FAM168A: variants seen among roughly 807,000 people sequenced by gnomAD.
The protein encoded by FAM168A is protein FAM168A.
FAM168A carries 3 observed loss-of-function variants against 28.5 expected under a neutral mutation model. The ratio of observed to expected loss-of-function variants is 0.11; its 90% CI spans 0.05 to 0.27. The LOEUF is 0.27. Among genes scored for constraint, FAM168A ranks in the 10% least tolerant of loss-of-function variants. FAM168A has a pLI of 1.00. For missense variants in FAM168A, 222 were observed against 311.5 expected (o/e 0.71, Z 2.16); for synonymous variants, 122 against 124.2 (o/e 0.98, Z 0.12).
chr11:73,568,367 T>A (rs1264612356), intron 1 of FAM168A, among the ~76,000 whole-genome samples: 1 of 152,160 alleles, frequency 6.6e-6, no homozygotes, highest in African/African-American at 2.4e-5. Flanking sequence ...ATTATGACAC[T>A]CTTAGGTGAG....
At chr11:73,500,956 A>G (rs1590818518) in intron 1 of FAM168A, among the ~76,000 whole-genome samples, 1 of 152,220 alleles carries the variant, frequency 6.6e-6, no homozygotes, top group East Asian at 1.9e-4. Context: ...CTTATGTGCA[A>G]AGACACACAC....
chr11:73,539,361 C>G (rs903240492), intron 1 of FAM168A, among the ~76,000 whole-genome samples: 4 of 152,142 alleles, frequency 2.6e-5, no homozygotes, highest in Non-Finnish European at 5.9e-5. Context: ...CCTCCGCCTC[C>G]CAGGTTCAAG....
At chr11:73,432,530 T>C (rs946437816) in intron 2 of FAM168A, among the ~76,000 whole-genome samples, 1 of 152,178 alleles carries the variant, frequency 6.6e-6, no homozygotes, top group African/African-American at 2.4e-5. Context: ...CCCTAACGAC[T>C]AACGATATTG....
intron 1 of FAM168A, among the ~76,000 whole-genome samples, chr11:73,506,879 AC>A (rs111669626): frequency 2.8e-4 from 42 of 152,312 alleles, no homozygotes; most frequent in African/African-American, 9.9e-4. Context: ...AGCTTCATTC[AC>A]ATATATTGCT....
chr11:73,425,181 T>C (rs1866866853), intron 3 of FAM168A: 1 of 617,450 alleles, frequency 1.6e-6, no homozygotes, highest in Non-Finnish European at 2.7e-6. Flanking sequence ...TAAATAAAGA[T>C]GTAAAACACC....
At chr11:73,551,769 T>G (rs1376853267) in intron 1 of FAM168A, among the ~76,000 whole-genome samples, 1 of 152,266 alleles carries the variant, frequency 6.6e-6, no homozygotes, top group African/African-American at 2.4e-5. Flanking sequence ...AATTAGCTTT[T>G]TTAAAAAATA....
chr11:73,453,958 C>T (rs1867479882), intron 2 of FAM168A, among the ~76,000 whole-genome samples: 1 of 152,218 alleles, frequency 6.6e-6, no homozygotes, highest in Non-Finnish European at 1.5e-5. Context: ...AGGGAAGTCA[C>T]TCACTGGTGG....
At chr11:73,457,770 G>GAAACAAAAGA (rs1565254006) in intron 2 of FAM168A, among the ~76,000 whole-genome samples, 34 of 106,926 alleles carry the variant, frequency 3.2e-4, no homozygotes, top group African/African-American at 9.4e-4. Flanking sequence ...AGAAAGAAAA[G>GAAACAAAAGA]AAAAAAAAGG....
Position 73,409,544 on chromosome 11 carries a change from T to C in FAM168A, c.538A>G (p.Arg180Gly). 6.2e-7 allele frequency: 1 copy of C among 1,614,004 alleles called. No individual in the cohort carries two copies. Among genetic ancestry groups the C allele is most frequent in the Non-Finnish European group, 8.5e-7 (1 of 1,179,928 alleles). ...AIYPAPVAAPRTNGVAMGMVA... is the reference protein window; with the variant it reads ...AIYPAPVAAPGTNGVAMGMVA... ...ATGCCCATGGCCACACCGTTGGTCC[T>C]CGGGGCGGCAACAGGTGCTGGGTAG... The change falls in exon 6 of 8, where the codon AGG becomes GGG. Residue 180 changes from arginine to glycine, a missense_variant. Arg to Gly is a moderately radical substitution (Grantham distance 125, BLOSUM62 -2). This residue lies in a region of FAM168A where 64 missense variants were observed against 94.6 expected (regional missense o/e 0.68). Coordinates refer to ENST00000356467, the MANE Select transcript of FAM168A (RefSeq NM_015159.3).
chr11:73,523,452 G>A (rs938855307), intron 1 of FAM168A, among the ~76,000 whole-genome samples: 5 of 151,848 alleles, frequency 3.3e-5, no homozygotes, highest in East Asian at 1.9e-4. Flanking sequence ...CACAGTGACC[G>A]CCTTAATTTT....
At chr11:73,551,110 CA>C (rs199595702) in intron 1 of FAM168A, among the ~76,000 whole-genome samples, 4,913 of 76,980 alleles carry the variant, frequency 0.064, 163 homozygotes, top group African/African-American at 0.14. Context: ...GACTCTGTCT[CA>C]AAAAAAAAAA....
At chr11:73,553,856 C>G (rs1451157017) in intron 1 of FAM168A, among the ~76,000 whole-genome samples, 1 of 151,822 alleles carries the variant, frequency 6.6e-6, no homozygotes, top group Non-Finnish European at 1.5e-5. Context: ...AGGTGTGGTG[C>G]CGTGCACTTG....
chr11:73,461,692 A>G (rs1422376642), intron 2 of FAM168A, among the ~76,000 whole-genome samples: 1 of 152,182 alleles, frequency 6.6e-6, no homozygotes, highest in East Asian at 1.9e-4. Flanking sequence ...GGTTTTAAGC[A>G]TTGGAGTGAT....
chr11:73,492,384 T>C (rs184152878), intron 1 of FAM168A, among the ~76,000 whole-genome samples: 320 of 152,342 alleles, frequency 2.1e-3, no homozygotes, highest in African/African-American at 7.3e-3. Flanking sequence ...TGGTGGTTTA[T>C]GCCTATAATC....
At chr11:73,477,659 C>T (rs549976260) in intron 1 of FAM168A, among the ~76,000 whole-genome samples, 6 of 152,122 alleles carry the variant, frequency 3.9e-5, no homozygotes, top group African/African-American at 1.4e-4. Flanking sequence ...GGCCAGAAGA[C>T]AGGAGGTTGG....
At chr11:73,479,633 G>A (rs551350648) in intron 1 of FAM168A, among the ~76,000 whole-genome samples, 1 of 152,146 alleles carries the variant, frequency 6.6e-6, no homozygotes, top group South Asian at 2.1e-4. Context: ...CATGGCTACA[G>A]GTAATTTTAT....
chr11:73,508,132 A>T (rs1855151460), intron 1 of FAM168A, among the ~76,000 whole-genome samples: 1 of 152,182 alleles, frequency 6.6e-6, no homozygotes, highest in South Asian at 2.1e-4. Context: ...AGTTAAATGA[A>T]ATAGTAAAGC....
At chr11:73,442,298 T>G (rs537419277) in intron 2 of FAM168A, among the ~76,000 whole-genome samples, 1 of 152,062 alleles carries the variant, frequency 6.6e-6, no homozygotes, top group Non-Finnish European at 1.5e-5. Flanking sequence ...GCTAATTTTT[T>G]GTATTTTTTA....
chr11:73,594,073 G>A (rs1677346805), intron 1 of FAM168A, among the ~76,000 whole-genome samples: 1 of 152,104 alleles, frequency 6.6e-6, no homozygotes, highest in South Asian at 2.1e-4. Context: ...ACATGAACTG[G>A]TTTGTTCCCC....
Sources: allele counts gnomAD v4.1 joint callset (sites outside exome capture counted in the v4.1 genomes callset), GRCh38; gene constraint gnomAD v4.1.1; regional missense constraint gnomAD v4.1.1; transcripts MANE v1.5; gene names NCBI Gene and HGNC (gene_info 2026-07-23, HGNC 2026-07-21).